EEF1AKMT1: variants seen among roughly 807,000 people sequenced by gnomAD.
The protein encoded by EEF1AKMT1 is EEF1A lysine methyltransferase 1, also known as N-6 adenine-specific DNA methyltransferase 2 (putative).
In EEF1AKMT1, 18 loss-of-function variants were observed where a neutral mutation model predicts 21.0. The observed-to-expected ratio is 0.86, with a 90% CI of 0.59 to 1.27. EEF1AKMT1 has a LOEUF of 1.27. Ranked by LOEUF, EEF1AKMT1 falls within the 50% of genes most tolerant of loss-of-function variation. EEF1AKMT1 has a pLI of 0.00. For missense variants in EEF1AKMT1, 246 were observed against 258.6 expected (o/e 0.95, Z 0.33); for synonymous variants, 109 against 94.8 (o/e 1.15, Z -0.87).
intron 2 of EEF1AKMT1, among the ~76,000 whole-genome samples, chr13:20,739,142 G>A (rs146395527): frequency 1.3e-5 from 2 of 152,132 alleles, no homozygotes; most frequent in East Asian, 3.9e-4. Context: ...TGGCACATCT[G>A]GAGTTGGTAG....
chr13:20,751,335 T>C (rs1384968421), intron 2 of EEF1AKMT1, among the ~76,000 whole-genome samples: 1 of 152,210 alleles, frequency 6.6e-6, no homozygotes, highest in Non-Finnish European at 1.5e-5. Context: ...CCATCTTGAG[T>C]TGACTTTTGC....
intron 1 of EEF1AKMT1, among the ~76,000 whole-genome samples, chr13:20,773,554 C>T (rs1173485772): frequency 6.6e-6 from 1 of 152,228 alleles, no homozygotes; most frequent in Non-Finnish European, 1.5e-5. Flanking sequence ...GACAGCAGGC[C>T]GAGTCCTGTT....
Position 20,729,095 on chromosome 13 carries a change from C to T in EEF1AKMT1, c.630G>A (p.Leu210=). The change falls in exon 5 of 5, where the codon CTG becomes CTA. Residue 210 remains leucine (L), a synonymous_variant. Transcript: ENST00000382758. ...FRCYVNYDSG[L]DCGI is the part of the protein sequence containing the mutation. ...CCGTCTGTAATCAGATCCCACAGTC[C>T]AGCCCAGAATCATAATTCACATAAC... 6.2e-7 allele frequency: 1 copy of T among 1,614,170 alleles called. No homozygotes were observed. The highest frequency in any genetic ancestry group is 8.5e-7 in the Non-Finnish European group (1 of 1,180,038).
At chr13:20,759,444 G>A (rs1196297656) in intron 1 of EEF1AKMT1, among the ~76,000 whole-genome samples, 2 of 152,068 alleles carry the variant, frequency 1.3e-5, no homozygotes, top group Non-Finnish European at 2.9e-5. Context: ...GCCAGGCATG[G>A]TGGCGGGCAT....
intron 3 of EEF1AKMT1, among the ~76,000 whole-genome samples, chr13:20,736,070 T>G (rs997877019): frequency 1.3e-5 from 2 of 152,108 alleles, no homozygotes; most frequent in Non-Finnish European, 2.9e-5. Flanking sequence ...TTAAGATAAT[T>G]TTCTTAAACT....
rs2058798573 is a variant in EEF1AKMT1, at chr13:20,731,881, G to A, written c.468C>T (p.Thr156=). ...TCTTGCCCCGCGTCAGGTACTTGAC[G>A]GTTTCCGATGTTTTTCTGAGACATT... ...SEECLRKTSE[T]VKYLTRGKIL... Residue 156 remains threonine (T), a synonymous_variant, in exon 4 of 5, where the codon ACC becomes ACT. Transcript: ENST00000382758. The A allele has an allele frequency of 3.1e-6, 5 of 1,614,146 alleles. No individual in the cohort carries two copies. The highest frequency in any genetic ancestry group is 3.3e-4 in the Middle Eastern group (2 of 6,062).
chr13:20,740,461 C>A (rs572821549), intron 2 of EEF1AKMT1, among the ~76,000 whole-genome samples: 4 of 152,232 alleles, frequency 2.6e-5, no homozygotes, highest in African/African-American at 9.6e-5. Context: ...CAAGCGAGGG[C>A]TACCAGCACA....
At chr13:20,772,288 ATAT>A (rs1327683399) in intron 1 of EEF1AKMT1, among the ~76,000 whole-genome samples, 3 of 152,116 alleles carry the variant, frequency 2.0e-5, no homozygotes, top group Non-Finnish European at 2.9e-5. Context: ...TATTGAAATT[ATAT>A]TATTATTAAG....
chr13:20,757,285 T>C, intron 2 of EEF1AKMT1, 170 bp downstream of exon 2: 1 of 659,938 alleles, frequency 1.5e-6, no homozygotes. Context: ...TACACTGTTC[T>C]AAAATGTTCA....
At chr13:20,744,653 A>G (rs895956661) in intron 2 of EEF1AKMT1, among the ~76,000 whole-genome samples, 2 of 152,162 alleles carry the variant, frequency 1.3e-5, no homozygotes, top group South Asian at 2.1e-4. Context: ...CTCTGACGAT[A>G]GTTTCTTTTG....
intron 3 of EEF1AKMT1, among the ~76,000 whole-genome samples, chr13:20,732,485 T>C (rs2058803502): frequency 6.6e-6 from 1 of 151,654 alleles, no homozygotes; most frequent in African/African-American, 2.4e-5. Flanking sequence ...CACGCGCCAC[T>C]GCGCCTGGCT....
At chr13:20,730,049 G>A (rs1010529536) in intron 4 of EEF1AKMT1, among the ~76,000 whole-genome samples, 3 of 152,242 alleles carry the variant, frequency 2.0e-5, no homozygotes, top group Non-Finnish European at 4.4e-5. Context: ...CGCTGTGGCC[G>A]TGGCTCCTGA....
At chr13:20,748,726 G>GTTTTTTTTTTTTTT (rs750094631) in intron 2 of EEF1AKMT1, among the ~76,000 whole-genome samples, 19 of 72,612 alleles carry the variant, frequency 2.6e-4, no homozygotes, top group African/African-American at 3.2e-4. Flanking sequence ...TTTTTTTTTG[G>GTTTTTTTTTTTTTT]TTTTTTTTTT....
chr13:20,757,732 C>G (rs1485184583), intron 1 of EEF1AKMT1, 115 bp from the exon 2 acceptor site: 6 of 771,002 alleles, frequency 7.8e-6, no homozygotes, highest in Non-Finnish European at 4.0e-6. Context: ...GAGTTTTATA[C>G]AAGTAAACCA....
At chr13:20,732,959 G>A (rs773001310) in intron 3 of EEF1AKMT1, among the ~76,000 whole-genome samples, 83 of 152,068 alleles carry the variant, frequency 5.5e-4, no homozygotes, top group Admixed American at 5.9e-4. Flanking sequence ...TTTTGTATAA[G>A]GAAATTAAAG....
intron 1 of EEF1AKMT1, among the ~76,000 whole-genome samples, chr13:20,758,357 C>G (rs2058981912): frequency 6.6e-6 from 1 of 152,170 alleles, no homozygotes; most frequent in African/African-American, 2.4e-5. Flanking sequence ...CTACCTATGA[C>G]CAGGAAGCCC....
chr13:20,729,260 C>A, intron 4 of EEF1AKMT1, 44 bp from the exon 5 acceptor site: 1 of 1,611,958 alleles, frequency 6.2e-7, no homozygotes, highest in Non-Finnish European at 8.5e-7. Flanking sequence ...GACAACCCAG[C>A]CGGAGCTCAG....
chr13:20,746,604 C>A (rs1285413961), intron 2 of EEF1AKMT1, among the ~76,000 whole-genome samples: 1 of 152,150 alleles, frequency 6.6e-6, no homozygotes, highest in East Asian at 1.9e-4. Context: ...TATCATGCAC[C>A]GTAAGTGGTA....
At chr13:20,761,618 T>C (rs1003455237) in intron 1 of EEF1AKMT1, among the ~76,000 whole-genome samples, 1 of 152,196 alleles carries the variant, frequency 6.6e-6, no homozygotes. Flanking sequence ...GTGTTTATTT[T>C]GAGGACATCA....
Sources: gnomAD v4.1 joint callset for allele counts (sites outside exome capture counted in the v4.1 genomes callset) on GRCh38, gnomAD v4.1.1 for gene constraint, MANE v1.5 for transcripts, NCBI Gene and HGNC (gene_info 2026-07-23, HGNC 2026-07-21) for gene names.